The following NALCN variants were observed in gnomAD, a reference collection of about 807,000 sequenced individuals.
The protein encoded by NALCN is sodium leak channel NALCN.
NALCN carries 111 observed loss-of-function variants against 225.3 expected under a neutral mutation model. The observed-to-expected ratio is 0.49, with a 90% CI of 0.42 to 0.58. The LOEUF (loss-of-function observed/expected upper bound fraction) is 0.58, where lower values mean the gene tolerates loss of function less well. Among genes scored for constraint, NALCN ranks in the 20% least tolerant of loss-of-function variants. NALCN has a pLI of 0.00. For synonymous variants in NALCN, 764 were observed against 769.0 expected (o/e 0.99, Z 0.11); for missense variants, 1,378 against 2,202.4 (o/e 0.63, Z 7.49).
At chr13:101,177,954 C>T (rs891671197) in intron 14 of NALCN, among the ~76,000 whole-genome samples, 1 of 152,176 alleles carries the variant, frequency 6.6e-6, no homozygotes, top group African/African-American at 2.4e-5. Flanking sequence ...TTTCAACAGC[C>T]ATGCCCTTTG....
chr13:101,314,335 G>C (rs932352045), intron 7 of NALCN, among the ~76,000 whole-genome samples: 5 of 151,974 alleles, frequency 3.3e-5, no homozygotes, highest in South Asian at 4.2e-4. Context: ...AATGTATATA[G>C]GGAATGATTA....
intron 7 of NALCN, among the ~76,000 whole-genome samples, chr13:101,342,517 T>C (rs1314646837): frequency 6.6e-6 from 1 of 152,184 alleles, no homozygotes; most frequent in Non-Finnish European, 1.5e-5. Flanking sequence ...GCCTTTGCTC[T>C]GATTCCCTGA....
chr13:101,149,290 CAAAA>C (rs57870899), intron 15 of NALCN, among the ~76,000 whole-genome samples: 65,535 of 142,022 alleles, frequency 0.46, 15,304 homozygotes, highest in East Asian at 0.89. Flanking sequence ...GAGACTGTCT[CAAAA>C]AAAAAAAAAA....
intron 15 of NALCN, among the ~76,000 whole-genome samples, chr13:101,167,872 C>T (rs1338689742): frequency 6.6e-6 from 1 of 150,932 alleles, no homozygotes; most frequent in African/African-American, 2.4e-5. Context: ...TAAGTCGAAT[C>T]ATCGTAAGTC....
At position 101,236,618 on chromosome 13, in the gene NALCN, C is replaced by A. The variant is rs192194973; in HGVS notation, c.1434+1137G>T. ...ATGAGTTCATGTCCTTTGTAGGGGA[C>A]GTGGATGAAATTGGAAATCATCATT... On this transcript the variant is annotated intron_variant, in intron 12 of 43. Coordinates refer to ENST00000251127, the MANE Select transcript of NALCN (RefSeq NM_052867.4). Among the ~76,000 whole-genome samples the A allele has an allele frequency of 4.7e-3, 712 of 151,928 alleles. 6 individuals carry two copies. The highest frequency in any genetic ancestry group is 0.017 in the African/African-American group (693 of 41,446).
chr13:101,235,958 T>C (rs946585197), intron 12 of NALCN, among the ~76,000 whole-genome samples: 4 of 152,350 alleles, frequency 2.6e-5, no homozygotes, highest in Admixed American at 2.6e-4. Context: ...ATGTTCTTTT[T>C]CCTAAGGGGT....
At chr13:101,134,189 A>C (rs534671872) in intron 17 of NALCN, among the ~76,000 whole-genome samples, 58 of 152,210 alleles carry the variant, frequency 3.8e-4, no homozygotes, top group Admixed American at 8.5e-4. Flanking sequence ...AACAAACAAA[A>C]AAAAAGATTT....
At chr13:101,230,910 C>T (rs908975352) in intron 12 of NALCN, among the ~76,000 whole-genome samples, 9 of 152,096 alleles carry the variant, frequency 5.9e-5, no homozygotes, top group East Asian at 1.9e-4. Flanking sequence ...GTATGGGCCA[C>T]GTATAGGATG....
chr13:101,348,777 A>C (rs978185307), intron 6 of NALCN, among the ~76,000 whole-genome samples: 1 of 152,134 alleles, frequency 6.6e-6, no homozygotes, highest in African/African-American at 2.4e-5. Flanking sequence ...ACCAACATCA[A>C]GTTATTAGCA....
At chr13:101,101,617 G>A (rs558841379) in intron 26 of NALCN, among the ~76,000 whole-genome samples, 37 of 152,212 alleles carry the variant, frequency 2.4e-4, no homozygotes, top group African/African-American at 7.5e-4. Flanking sequence ...ACAAATGAGC[G>A]GGACAGTGGC....
At chr13:101,094,638 A>T (rs1259235914) in intron 28 of NALCN, among the ~76,000 whole-genome samples, 3 of 152,086 alleles carry the variant, frequency 2.0e-5, no homozygotes, top group South Asian at 2.1e-4. Flanking sequence ...CTGAAGCCAC[A>T]TACCCCAAAT....
At chr13:101,191,891 A>G in intron 14 of NALCN, 26 bp downstream of exon 14, 1 of 1,580,098 alleles carries the variant, frequency 6.3e-7, no homozygotes, top group Non-Finnish European at 8.5e-7. Flanking sequence ...TCCAAGATAT[A>G]ATTGAAAAAA....
At position 101,143,126 on chromosome 13, in the gene NALCN, T is replaced by A; in HGVS notation, c.2072A>T (p.His691Leu). The A allele has an allele frequency of 1.2e-6, 2 of 1,614,010 alleles. No homozygotes were observed. Among genetic ancestry groups the A allele is most frequent in the South Asian group, 1.1e-5 (1 of 91,076 alleles). ...LPTTSSSSCD[H>L]SKRSAIEDNK... ...GTCCTCAATTGCTGAGCGTTTGGAGTGGTCGCAGGAGGAGGAAGAGGTGGT... is the reference window on the plus strand; with the variant it reads ...GTCCTCAATTGCTGAGCGTTTGGAGAGGTCGCAGGAGGAGGAAGAGGTGGT... Residue 691 changes from histidine to leucine, a missense_variant, in exon 17 of 44, where the codon CAC becomes CTC. His to Leu is a moderately conservative substitution (Grantham distance 99). Transcript: ENST00000251127.
intron 40 of NALCN, 56 bp downstream of exon 40, chr13:101,065,348 G>A: frequency 1.3e-6 from 2 of 1,588,684 alleles, no homozygotes; most frequent in Non-Finnish European, 1.7e-6. Flanking sequence ...AGGCCTTGAA[G>A]GCTGACAGCT....
Position 101,142,896 on chromosome 13 carries a change from A to C in NALCN, c.2118+184T>G. ...GCAGCTCAAAAGCTTACACGGGCAAATGCAAAATTTCAATGCATAGAGTAA... is the reference window on the plus strand; with the variant it reads ...GCAGCTCAAAAGCTTACACGGGCAACTGCAAAATTTCAATGCATAGAGTAA... On this transcript the variant is annotated intron_variant, in intron 17 of 43. Coordinates refer to ENST00000251127, the MANE Select transcript of NALCN (RefSeq NM_052867.4). 2.5e-6 allele frequency: 2 copies of C among 797,246 alleles called. 1 individual carries two copies. Among genetic ancestry groups the C allele is most frequent in the Admixed American group, 5.1e-5 (2 of 39,074 alleles). The allele number at this position is 797,246 out of a possible 1,614,324, so 49.4% of individuals were successfully genotyped here. A position where few individuals can be genotyped will look rare whatever the true frequency, so the allele number is the denominator to read the frequency against.
intron 7 of NALCN, among the ~76,000 whole-genome samples, chr13:101,338,932 ACTCT>A (rs113975486): frequency 5.9e-5 from 9 of 152,168 alleles, no homozygotes; most frequent in African/African-American, 2.2e-4. Context: ...AATCCCACTC[ACTCT>A]GACTCTCAGA....
intron 6 of NALCN, among the ~76,000 whole-genome samples, chr13:101,345,704 A>G (rs1333735505): frequency 7.3e-6 from 1 of 136,354 alleles, no homozygotes; most frequent in Non-Finnish European, 1.5e-5. Flanking sequence ...CTATCTATCT[A>G]TCTATCTATC....
At chr13:101,345,946 T>C (rs2045712918) in intron 6 of NALCN, among the ~76,000 whole-genome samples, 1 of 147,560 alleles carries the variant, frequency 6.8e-6, no homozygotes, top group Non-Finnish European at 1.5e-5. Flanking sequence ...TTGGCTTACA[T>C]ATAAGAATGA....
chr13:101,257,209 G>GTTT (rs34334262), intron 11 of NALCN, among the ~76,000 whole-genome samples: 14,109 of 120,856 alleles, frequency 0.12, 1,068 homozygotes, highest in Middle Eastern at 0.18. Flanking sequence ...ATTGTTTATT[G>GTTT]TTTTTTTTTT....
Sources: allele counts gnomAD v4.1 joint callset (sites outside exome capture counted in the v4.1 genomes callset), GRCh38; gene constraint gnomAD v4.1.1; transcripts MANE v1.5; gene names NCBI Gene and HGNC (gene_info 2026-07-23, HGNC 2026-07-21).